Variants in UNC13C observed in about 807,000 individuals in gnomAD.
UNC13C encodes the protein unc-13 homolog C.
In UNC13C, 174 loss-of-function variants were observed where a neutral mutation model predicts 245.4. The observed-to-expected ratio is 0.71, with a 90% CI of 0.63 to 0.80. The LOEUF (loss-of-function observed/expected upper bound fraction) is 0.80. Ranked by LOEUF, UNC13C falls within the 30% of genes least tolerant of loss-of-function variation. UNC13C has a pLI of 0.00. For synonymous variants in UNC13C, 992 were observed against 895.1 expected, an observed-to-expected ratio of 1.11 and a Z score of -1.93; for missense variants, 2,829 against 2,602.9, an observed-to-expected ratio of 1.09 and a Z score of -1.89.
intron 19 of UNC13C, among the ~76,000 whole-genome samples, chr15:54,477,704 G>A (rs1336569536): frequency 7.8e-5 from 11 of 140,472 alleles, no homozygotes; most frequent in South Asian, 2.5e-4. Context: ...TACTGGATTC[G>A]CTTTGCCAGT....
At chr15:54,591,908 A>G (rs1046590992) in intron 30 of UNC13C, among the ~76,000 whole-genome samples, 7 of 151,756 alleles carry the variant, frequency 4.6e-5, no homozygotes, top group African/African-American at 1.7e-4. Context: ...TGCTCTTTCA[A>G]TGTTTTTGTT....
intron 19 of UNC13C, among the ~76,000 whole-genome samples, chr15:54,488,026 A>G (rs1294917561): frequency 6.6e-6 from 1 of 151,952 alleles, no homozygotes; most frequent in East Asian, 1.9e-4. Flanking sequence ...AGATATCCCA[A>G]CATTATAAGA....
rs79511315 is a variant in UNC13C, at chr15:54,404,324, G to A, written c.4848-10658G>A. Among the ~76,000 whole-genome samples, 1,001 of 152,110 alleles carry A rather than the reference G, an allele frequency of 6.6e-3. 7 individuals are homozygous for A. Among genetic ancestry groups the A allele is most frequent in the Non-Finnish European group, 0.011 (747 of 67,968 alleles). On this transcript the variant is annotated intron_variant, in intron 18 of 32. Coordinates refer to ENST00000260323, the MANE Select transcript of UNC13C (RefSeq NM_001080534.3). Reference sequence around the variant, plus strand: ...TGATGAATCAGTATTATCAAATTTGGCAGTGGCAGATTATGTTTTCCTCAT... The same window carrying A: ...TGATGAATCAGTATTATCAAATTTGACAGTGGCAGATTATGTTTTCCTCAT...
chr15:54,487,778 AAAAAAAAAAAAGACAGAGAG>A (rs1302351633), intron 19 of UNC13C, among the ~76,000 whole-genome samples: 2 of 98,288 alleles, frequency 2.0e-5, no homozygotes, highest in Admixed American at 1.1e-4. Context: ...AAAAAAAAAA[AAAAAAAAAAAAGACAGAGAG>A]AGAGAAAAGA....
At chr15:54,245,590 A>G (rs1157878984) in intron 7 of UNC13C, among the ~76,000 whole-genome samples, 1 of 152,140 alleles carries the variant, frequency 6.6e-6, no homozygotes, top group African/African-American at 2.4e-5. Flanking sequence ...CACTGAAATT[A>G]TGTCTGTTTT....
At chr15:54,188,532 A>G (rs2034073309) in intron 4 of UNC13C, among the ~76,000 whole-genome samples, 1 of 152,332 alleles carries the variant, frequency 6.6e-6, no homozygotes, top group Admixed American at 6.5e-5. Context: ...GCTGCTAAAC[A>G]GTTTTCAAAT....
chr15:54,013,438 G>A lies in UNC13C; in HGVS notation c.535G>A (p.Gly179Arg), dbSNP rs993167420. 4.3e-6 allele frequency: 7 copies of A among 1,613,682 alleles called. No homozygotes were observed. In the African/African-American group the frequency reaches 8.0e-5, roughly 18 times the overall value. Reference protein sequence around the residue: ...GERTLHGLKLGALRKLRKWKK... With the variant: ...GERTLHGLKLRALRKLRKWKK... ...GCGTACTCTACATGGCTTAAAACTG[G>A]GAGCTTTACGAAAACTGAGAAAATG... is the stretch of plus-strand genomic sequence containing the variant. The change falls in exon 2 of 33, where the codon GGA becomes AGA. Residue 179 changes from glycine (G) to arginine (R), a missense_variant. Transcript: ENST00000260323.
At chr15:54,280,314 A>G (rs1482044947) in intron 10 of UNC13C, among the ~76,000 whole-genome samples, 1 of 152,020 alleles carries the variant, frequency 6.6e-6, no homozygotes, top group Non-Finnish European at 1.5e-5. Context: ...GATGTACCCA[A>G]TGTGTTAAGT....
At chr15:54,621,834 C>T (rs914281337) in intron 30 of UNC13C, among the ~76,000 whole-genome samples, 6 of 152,104 alleles carry the variant, frequency 3.9e-5, no homozygotes, top group East Asian at 1.9e-4. Flanking sequence ...AAAATGCTAT[C>T]GGTACACCTT....
At chr15:54,316,728 A>C (rs977502426) in intron 13 of UNC13C, among the ~76,000 whole-genome samples, 4 of 151,462 alleles carry the variant, frequency 2.6e-5, no homozygotes, top group African/African-American at 9.7e-5. Flanking sequence ...CATTACCTCA[A>C]CTCTCATTCT....
chr15:54,037,273 G>C (rs188295351), intron 2 of UNC13C, among the ~76,000 whole-genome samples: 2 of 152,308 alleles, frequency 1.3e-5, no homozygotes, highest in East Asian at 3.9e-4. Context: ...CGGTGATGTG[G>C]TTTAAAGTAG....
intron 17 of UNC13C, among the ~76,000 whole-genome samples, chr15:54,362,802 G>C (rs2039265674): frequency 6.6e-6 from 1 of 152,062 alleles, no homozygotes; most frequent in African/African-American, 2.4e-5. Flanking sequence ...AAAATGCTCT[G>C]AGAGAAAAAA....
chr15:54,469,705 T>G (rs1375217217), intron 19 of UNC13C, among the ~76,000 whole-genome samples: 2 of 151,584 alleles, frequency 1.3e-5, no homozygotes, highest in East Asian at 3.9e-4. Flanking sequence ...TTTGGAATTT[T>G]GTGGAATTTT....
chr15:54,058,564 C>G (rs978705127), intron 2 of UNC13C, among the ~76,000 whole-genome samples: 1 of 152,172 alleles, frequency 6.6e-6, no homozygotes, highest in African/African-American at 2.4e-5. Context: ...CCTTCTGAAA[C>G]TATTCCAATC....
intron 2 of UNC13C, among the ~76,000 whole-genome samples, chr15:54,022,732 C>T (rs554717845): frequency 8.5e-5 from 13 of 152,272 alleles, no homozygotes; most frequent in Admixed American, 3.9e-4. Flanking sequence ...GTTTCCTTGG[C>T]TATGCAGAAG....
chr15:53,961,477 C>T, the UNC13C span, among the ~76,000 whole-genome samples: 2 of 152,138 alleles, frequency 1.3e-5, no homozygotes, highest in African/African-American at 4.8e-5. Context: ...GTCAGTGGGG[C>T]CTTGGATGCA....
chr15:54,164,530 A>G (rs76752419), intron 4 of UNC13C, among the ~76,000 whole-genome samples: 2,848 of 152,340 alleles, frequency 0.019, 72 homozygotes, highest in East Asian at 0.092. Context: ...TCAGTAGGAC[A>G]GTGCTAAAAT....
rs544495316 is a variant in UNC13C, at chr15:54,248,318, C to T, written c.3229-1907C>T. Among the ~76,000 whole-genome samples, 4 of 152,228 alleles carry T rather than the reference C, an allele frequency of 2.6e-5. No individual in the cohort carries two copies. In the East Asian group the frequency reaches 5.8e-4, roughly 22 times the overall value. ...CTTCTAGACCACAAATGCTACATTA[C>T]GCACACAAACACACACACAGCCCCT... On this transcript the variant is annotated intron_variant, in intron 7 of 32. Transcript: ENST00000260323.
At chr15:54,287,172 T>C (rs930284745) in intron 10 of UNC13C, among the ~76,000 whole-genome samples, 1 of 152,170 alleles carries the variant, frequency 6.6e-6, no homozygotes, top group African/African-American at 2.4e-5. Context: ...TCTCCCACTA[T>C]TACACATGAT....
Sources: gnomAD v4.1 joint callset for allele counts (sites outside exome capture counted in the v4.1 genomes callset) on GRCh38, gnomAD v4.1.1 for gene constraint, MANE v1.5 for transcripts, NCBI Gene and HGNC (gene_info 2026-07-23, HGNC 2026-07-21) for gene names.